The following CLYBL variants were observed in gnomAD, a reference collection of about 807,000 sequenced individuals.
CLYBL encodes the protein citramalyl-CoA lyase.
Under a neutral mutation model 38.9 loss-of-function variants are expected in CLYBL, and 31 were observed. The observed-to-expected ratio is 0.80, with a 90% CI of 0.60 to 1.08. The LOEUF (loss-of-function observed/expected upper bound fraction) is 1.08, where lower values mean the gene tolerates loss of function less well. CLYBL is among the 50% of genes least tolerant of loss of function. The pLI is 0.00. For synonymous variants in CLYBL, 171 were observed against 158.6 expected, an observed-to-expected ratio of 1.08 and a Z score of -0.59; for missense variants, 434 against 411.6, an observed-to-expected ratio of 1.05 and a Z score of -0.47.
chr13:99,768,473 G>T (rs933028808), intron 1 of CLYBL, among the ~76,000 whole-genome samples: 11 of 142,634 alleles, frequency 7.7e-5, no homozygotes, highest in Admixed American at 2.1e-4. Flanking sequence ...GATTACAGGT[G>T]TGAGCCACTG....
intron 1 of CLYBL, among the ~76,000 whole-genome samples, chr13:99,655,740 G>A (rs1412439155): frequency 7.2e-5 from 11 of 152,230 alleles, no homozygotes; most frequent in African/African-American, 2.4e-5. Context: ...CTGGGTGCCC[G>A]TGAGTCAGAT....
chr13:99,812,106 T>C (rs2050354168), intron 2 of CLYBL, among the ~76,000 whole-genome samples: 1 of 152,228 alleles, frequency 6.6e-6, no homozygotes, highest in African/African-American at 2.4e-5. Flanking sequence ...TGAGACTTCT[T>C]CCTCATAGTG....
intron 1 of CLYBL, among the ~76,000 whole-genome samples, chr13:99,608,634 C>T (rs1243746480): frequency 2.0e-5 from 3 of 152,076 alleles, no homozygotes; most frequent in East Asian, 3.9e-4. Flanking sequence ...ACAGTCCCCA[C>T]GCCAGTACGC....
chr13:99,887,587 C>T (rs529516264), intron 7 of CLYBL, among the ~76,000 whole-genome samples: 5 of 152,128 alleles, frequency 3.3e-5, no homozygotes, highest in African/African-American at 4.8e-5. Context: ...AGGGAGGCCT[C>T]GTCTCTACAT....
chr13:99,683,405 T>G (rs759829665), intron 1 of CLYBL, among the ~76,000 whole-genome samples: 26 of 152,212 alleles, frequency 1.7e-4, no homozygotes, highest in Non-Finnish European at 3.2e-4. Context: ...TATTTTTAAC[T>G]TTATGACTCT....
Position 99,734,168 on chromosome 13 carries a change from A to G in CLYBL, c.63-38656A>G, listed in dbSNP as rs1328571685. ...ATTTTTTTAGTCAAATACTGTCTGG[A>G]CTTTTGTGAGCCAATAACCTCCCTC... On this transcript the variant is annotated intron_variant, in intron 1 of 8. Transcript: ENST00000339105. 2.6e-5 allele frequency among the ~76,000 whole-genome samples: 4 copies of G among 151,982 alleles called. No homozygotes were observed. In the South Asian group the frequency reaches 8.3e-4, roughly 32 times the overall value.
At chr13:99,870,766 CCTGT>C (rs1197017624) in intron 6 of CLYBL, among the ~76,000 whole-genome samples, 168 bp from the exon 7 acceptor site, 4 of 152,088 alleles carry the variant, frequency 2.6e-5, no homozygotes, top group South Asian at 2.1e-4. Context: ...TCTGGAAAAG[CCTGT>C]CTGATTGCAG....
chr13:99,659,241 CGT>C lies in CLYBL; in HGVS notation c.62+52495_62+52496del, dbSNP rs72399404. On this transcript the variant is annotated intron_variant, in intron 1 of 8. Coordinates refer to ENST00000339105, the MANE Select transcript of CLYBL (RefSeq NM_206808.5). ...GTATATATATATATGTATATATATG[CGT>C]GTGTGTGTGTATTTCTCCTCTAACA... Among the ~76,000 whole-genome samples, 765 of 151,276 alleles carry C rather than the reference CGT, an allele frequency of 5.1e-3. 11 individuals are homozygous for C. Among genetic ancestry groups the C allele is most frequent in the African/African-American group, 0.017 (700 of 41,176 alleles).
intron 1 of CLYBL, among the ~76,000 whole-genome samples, chr13:99,717,049 G>T (rs185539925): frequency 3.8e-4 from 56 of 148,228 alleles, no homozygotes; most frequent in African/African-American, 1.3e-3. Flanking sequence ...CCTTGGCCTC[G>T]CAAAGAGCTG....
At chr13:99,799,396 C>CACACACACACACAT (rs1296751141) in intron 2 of CLYBL, among the ~76,000 whole-genome samples, 2 of 152,132 alleles carry the variant, frequency 1.3e-5, no homozygotes, top group African/African-American at 4.8e-5. Flanking sequence ...CACACACATA[C>CACACACACACACAT]ACACACACTT....
intron 1 of CLYBL, among the ~76,000 whole-genome samples, chr13:99,720,105 G>T (rs2048373054): frequency 6.7e-6 from 1 of 150,020 alleles, no homozygotes. Flanking sequence ...TTTTTTTTAA[G>T]TTTTATTTAT....
rs117043661 is a variant in CLYBL, at chr13:99,885,353, G to A, written c.928-5965G>A. On this transcript the variant is annotated intron_variant, in intron 7 of 8. Transcript: ENST00000339105. ...CCTTCAGAGAGAGAACAGGGCATGC[G>A]GCAGAGCTGCAGCGTGGTGTGTGTT... is the stretch of plus-strand genomic sequence containing the variant. Among the ~76,000 whole-genome samples, 176 of 152,240 alleles carry A rather than the reference G, an allele frequency of 1.2e-3. 1 individual carries two copies. The East Asian group carries it at 0.023, about 20-fold the overall frequency.
At chr13:99,677,716 TAC>T (rs2047674612) in intron 1 of CLYBL, among the ~76,000 whole-genome samples, 1 of 152,270 alleles carries the variant, frequency 6.6e-6, no homozygotes, top group African/African-American at 2.4e-5. Flanking sequence ...ACAATCAGTT[TAC>T]AGTTGTTTTA....
rs1181369677 is a variant in CLYBL at position 99,906,824 on chromosome 13, GGATTAAGAAA to G, written c.*161-1228_*161-1219del. Among the ~76,000 whole-genome samples the G allele has an allele frequency of 3.3e-5, 5 of 152,172 alleles. No homozygotes were observed. In the East Asian group the frequency reaches 9.6e-4, roughly 29 times the overall value. On this transcript the variant is annotated intron_variant and NMD_transcript_variant, in intron 9 of 9. Transcript: ENST00000689673. ...AACAAATGCATTAATCCTTTCTTGAGGATTAAGAAAGAATTAATCCCTCCAAGGATGGGCA... is the reference window on the plus strand; with the variant it reads ...AACAAATGCATTAATCCTTTCTTGAGGAATTAATCCCTCCAAGGATGGGCA...
At chr13:99,833,780 CCCTGGTTCAAGTG>C (rs1389543296) in intron 2 of CLYBL, among the ~76,000 whole-genome samples, 5 of 145,576 alleles carry the variant, frequency 3.4e-5, no homozygotes, top group Admixed American at 1.4e-4. Context: ...ACCTCCAACT[CCCTGGTTCAAGTG>C]CCTGGTTCAA....
chr13:99,848,285 T>G (rs2051254209), intron 2 of CLYBL, among the ~76,000 whole-genome samples: 1 of 152,210 alleles, frequency 6.6e-6, no homozygotes, highest in Non-Finnish European at 1.5e-5. Flanking sequence ...TATGGGGCTT[T>G]CATCGCCACA....
intron 2 of CLYBL, among the ~76,000 whole-genome samples, chr13:99,802,113 G>T (rs180754965): frequency 6.6e-6 from 1 of 152,216 alleles, no homozygotes; most frequent in Non-Finnish European, 1.5e-5. Flanking sequence ...CTGTAGATTG[G>T]GTGGCTTAAA....
intron 1 of CLYBL, among the ~76,000 whole-genome samples, chr13:99,760,113 A>G (rs545849941): frequency 2.6e-5 from 4 of 152,318 alleles, no homozygotes; most frequent in East Asian, 3.9e-4. Flanking sequence ...TTGGCATACA[A>G]TTGTTCATAG....
At chr13:99,805,666 A>C (rs1741410790) in intron 2 of CLYBL, among the ~76,000 whole-genome samples, 1 of 152,152 alleles carries the variant, frequency 6.6e-6, no homozygotes, top group African/African-American at 2.4e-5. Flanking sequence ...AACTTATTTA[A>C]TCATCAAAAC....
Sources: gnomAD v4.1 joint callset for allele counts (sites outside exome capture counted in the v4.1 genomes callset) on GRCh38, gnomAD v4.1.1 for gene constraint, MANE v1.5 for transcripts, NCBI Gene and HGNC (gene_info 2026-07-23, HGNC 2026-07-21) for gene names.